The following ROBO2 variants were observed in gnomAD, a reference collection of about 807,000 sequenced individuals.
The protein encoded by ROBO2 is roundabout guidance receptor 2.
A neutral mutation model predicts 160.8 loss-of-function variants in ROBO2; 53 were observed. The observed-to-expected ratio is 0.33, with a 90% confidence interval of 0.26 to 0.41. The LOEUF is 0.41. ROBO2 is among the 10% of genes least tolerant of loss of function. ROBO2 has a pLI of 1.00. For synonymous variants in ROBO2, 664 were observed against 611.7 expected (o/e 1.09, Z -1.26); for missense variants, 1,577 against 1,722.4 (o/e 0.92, Z 1.49).
intron 2 of ROBO2, among the ~76,000 whole-genome samples, chr3:76,407,295 C>T (rs759923024): frequency 5.9e-5 from 9 of 152,082 alleles, no homozygotes; most frequent in African/African-American, 2.2e-4. Flanking sequence ...TTCTGCATAG[C>T]AATTCCTGCT....
intron 2 of ROBO2, among the ~76,000 whole-genome samples, chr3:77,192,650 C>CTTTTTTTTTTTTTT (rs71629633): frequency 9.1e-6 from 1 of 110,038 alleles, no homozygotes; most frequent in Non-Finnish European, 1.7e-5. Flanking sequence ...AACACAATTC[C>CTTTTTTTTTTTTTT]TTTTTTTTTT....
chr3:77,435,681 T>C (rs1261215707), intron 2 of ROBO2, among the ~76,000 whole-genome samples: 1 of 151,822 alleles, frequency 6.6e-6, no homozygotes, highest in East Asian at 1.9e-4. Flanking sequence ...AAAGGAATGA[T>C]ATATTGATTC....
At position 76,624,796 on chromosome 3, in the gene ROBO2, C is replaced by CAAA. The variant is rs57920315; in HGVS notation, c.110-473182_110-473180dup. On this transcript the variant is annotated intron_variant, in intron 2 of 26. Coordinates refer to the ROBO2 transcript ENST00000487694. ...TGAGTGACAGAGTGAGACTCCGTCT[C>CAAA]AAAAAAAAAAAAAAAAAAAAAAAAA... is the stretch of plus-strand genomic sequence containing the variant. Among the ~76,000 whole-genome samples the CAAA allele has an allele frequency of 3.9e-4, 18 of 46,324 alleles. 2 individuals carry two copies. The highest frequency in any genetic ancestry group is 5.1e-4 in the African/African-American group (5 of 9,710). The allele number at this position is 46,324 out of a possible 152,430, so 30.4% of individuals were successfully genotyped here.
At chr3:77,424,542 A>C (rs979921254) in intron 2 of ROBO2, among the ~76,000 whole-genome samples, 2 of 152,236 alleles carry the variant, frequency 1.3e-5, no homozygotes, top group African/African-American at 4.8e-5. Flanking sequence ...AAGTTAGAAT[A>C]GGATTGAAAA....
rs986254902 is a variant in ROBO2 at position 76,559,603 on chromosome 3, G to A, written c.110-538411G>A. Among the ~76,000 whole-genome samples, 67 of 152,014 alleles carry A rather than the reference G, an allele frequency of 4.4e-4. 1 individual carries two copies. Among genetic ancestry groups the A allele is most frequent in the Non-Finnish European group, 1.6e-4 (11 of 67,982 alleles). ...TCTTCCCAAGTCTTTGGCCAAAAGC[G>A]GTGGGATGCTGGTAAGGGAAGGATG... On this transcript the variant is annotated intron_variant, in intron 2 of 26. Transcript: ENST00000487694.
At chr3:76,138,547 T>A (rs531827916) in intron 2 of ROBO2, among the ~76,000 whole-genome samples, 61 of 152,162 alleles carry the variant, frequency 4.0e-4, no homozygotes, top group African/African-American at 1.4e-3. Context: ...TTTCTGAAAA[T>A]TAAGACCTAA....
In ROBO2 at chr3:76,221,300, A is replaced by G. The variant is rs147054187; in HGVS notation, c.109+283698A>G. ...TTTTACAAGTGGGTAACTCAGGGTG[A>G]TGGTGAGCAGTGCCACTCTCATTTT... On this transcript the variant is annotated intron_variant, in intron 2 of 26. Coordinates refer to the ROBO2 transcript ENST00000487694. Among the ~76,000 whole-genome samples the G allele has an allele frequency of 8.6e-5, 13 of 151,650 alleles. 1 individual carries two copies. The highest frequency in any genetic ancestry group is 2.1e-4 in the South Asian group (1 of 4,786).
At chr3:76,074,675 G>A (rs2068584718) in intron 2 of ROBO2, among the ~76,000 whole-genome samples, 1 of 152,074 alleles carries the variant, frequency 6.6e-6, no homozygotes, top group Non-Finnish European at 1.5e-5. Flanking sequence ...CCATTAATCT[G>A]GAGGAATTAA....
chr3:76,434,573 CT>C, intron 2 of ROBO2: 1 of 1,586,824 alleles, frequency 6.3e-7, no homozygotes, highest in Non-Finnish European at 8.6e-7. Context: ...ACGGACAGAG[CT>C]GCAGGCTTAC....
intron 2 of ROBO2, among the ~76,000 whole-genome samples, chr3:77,011,618 A>T (rs1250567362): frequency 7.2e-5 from 11 of 151,826 alleles, no homozygotes; most frequent in Non-Finnish European, 1.6e-4. Flanking sequence ...CAGCCCTGTA[A>T]CCCTCTGCAA....
intron 2 of ROBO2, among the ~76,000 whole-genome samples, chr3:77,346,313 G>GTTATACACTAC (rs1340813812): frequency 3.3e-5 from 5 of 152,104 alleles, no homozygotes; most frequent in Non-Finnish European, 1.5e-5. Context: ...TTAGTGTAGT[G>GTTATACACTAC]ATTATAAATA....
At chr3:76,475,172 A>G (rs1382841133) in intron 2 of ROBO2, among the ~76,000 whole-genome samples, 1 of 152,104 alleles carries the variant, frequency 6.6e-6, no homozygotes, top group Non-Finnish European at 1.5e-5. Flanking sequence ...GACCAGGTTC[A>G]CTCATAAGAT....
At chr3:76,993,194 T>G (rs952473994) in intron 2 of ROBO2, among the ~76,000 whole-genome samples, 3 of 151,532 alleles carry the variant, frequency 2.0e-5, no homozygotes, top group Non-Finnish European at 1.5e-5. Context: ...TCAAAGCTTC[T>G]GACTTACAGT....
chr3:76,318,554 G>A (rs2072239733), intron 2 of ROBO2, among the ~76,000 whole-genome samples: 1 of 152,072 alleles, frequency 6.6e-6, no homozygotes, highest in Non-Finnish European at 1.5e-5. Flanking sequence ...TTTAAAAACT[G>A]AGATAAATTG....
chr3:76,555,225 C>T (rs1487893718), intron 2 of ROBO2, among the ~76,000 whole-genome samples: 1 of 151,670 alleles, frequency 6.6e-6, no homozygotes, highest in Non-Finnish European at 1.5e-5. Flanking sequence ...AGTGCTTTCC[C>T]AGAGCATTTT....
At chr3:76,283,895 A>G (rs1708374289) in intron 2 of ROBO2, among the ~76,000 whole-genome samples, 2 of 151,942 alleles carry the variant, frequency 1.3e-5, no homozygotes, top group Admixed American at 1.3e-4. Context: ...AAATCTTATG[A>G]AGAGGTTCCT....
intron 1 of ROBO2, among the ~76,000 whole-genome samples, chr3:75,928,764 T>A (rs113709646): frequency 2.0e-5 from 3 of 149,454 alleles, no homozygotes; most frequent in South Asian, 2.2e-4. Context: ...CTGCAGCTGG[T>A]TAAGACGTGT....
rs141875450 is a variant in ROBO2, at chr3:76,937,542, A to G, written c.110-160472A>G. On this transcript the variant is annotated intron_variant, in intron 2 of 26. Transcript: ENST00000487694. ...GTCTGATTAGAAAAACAATGCATGC[A>G]TCTTAAAATAAAGAAAAGCCAATAA... is the stretch of plus-strand genomic sequence containing the variant. Among the ~76,000 whole-genome samples, 228 of 152,158 alleles carry G rather than the reference A, an allele frequency of 1.5e-3. 4 individuals are homozygous for G. The East Asian group carries it at 0.023, about 15-fold the overall frequency.
chr3:76,325,530 A>T (rs1455390863), intron 2 of ROBO2, among the ~76,000 whole-genome samples: 1 of 152,124 alleles, frequency 6.6e-6, no homozygotes, highest in Non-Finnish European at 1.5e-5. Flanking sequence ...ACATACTTGT[A>T]AAATGTCAGG....
Sources: allele counts gnomAD v4.1 joint callset (sites outside exome capture counted in the v4.1 genomes callset), GRCh38; gene constraint gnomAD v4.1.1; transcripts MANE v1.5; gene names NCBI Gene and HGNC (gene_info 2026-07-23, HGNC 2026-07-21).